MAPKAP1: variants seen among roughly 807,000 people sequenced by gnomAD.
MAPKAP1 encodes target of rapamycin complex 2 subunit MAPKAP1.
In MAPKAP1, 20 loss-of-function variants were observed where a neutral mutation model predicts 65.7. The observed-to-expected ratio is 0.30, with a 90% CI of 0.21 to 0.44. The LOEUF is 0.44. Among genes scored for constraint, MAPKAP1 ranks in the 20% least tolerant of loss-of-function variants. The pLI, the probability that MAPKAP1 is intolerant of heterozygous loss-of-function variation, is 1.00. For missense variants in MAPKAP1, 423 were observed against 648.0 expected (o/e 0.65, Z 3.77); for synonymous variants, 222 against 244.3 (o/e 0.91, Z 0.85).
At chr9:125,682,578 T>G (rs1834856393) in intron 1 of MAPKAP1, among the ~76,000 whole-genome samples, 1 of 152,244 alleles carries the variant, frequency 6.6e-6, no homozygotes, top group Non-Finnish European at 1.5e-5. Flanking sequence ...ATGTGGCCCC[T>G]AAATTATTTT....
intron 1 of MAPKAP1, among the ~76,000 whole-genome samples, chr9:125,676,782 A>C (rs1351617269): frequency 6.6e-6 from 1 of 152,230 alleles, no homozygotes; most frequent in Non-Finnish European, 1.5e-5. Flanking sequence ...TATCATTTAT[A>C]CCATGTATAT....
At chr9:125,473,929 T>A (rs73591539) in intron 9 of MAPKAP1, among the ~76,000 whole-genome samples, 2,125 of 152,238 alleles carry the variant, frequency 0.014, 47 homozygotes, top group African/African-American at 0.047. Flanking sequence ...ATAATACACA[T>A]AATAATAGAT....
intron 3 of MAPKAP1, among the ~76,000 whole-genome samples, chr9:125,660,770 C>A (rs991368711): frequency 5.3e-5 from 8 of 152,202 alleles, no homozygotes; most frequent in Non-Finnish European, 1.5e-5. Flanking sequence ...CCGCTAGCAA[C>A]GCTGTGTTAT....
chr9:125,625,439 A>C lies in MAPKAP1; in HGVS notation c.498+32212T>G, dbSNP rs187316622. ...AAAACAAAAAAACAAAACAAAACAA[A>C]CCAACCCTGCAGAGCAGCAGCTGGC... On this transcript the variant is annotated intron_variant, in intron 4 of 11. Coordinates refer to ENST00000265960, the MANE Select transcript of MAPKAP1 (RefSeq NM_001006617.3). Among the ~76,000 whole-genome samples, 501 of 152,140 alleles carry C rather than the reference A, an allele frequency of 3.3e-3. 5 individuals are homozygous for C. Among genetic ancestry groups the C allele is most frequent in the South Asian group, 0.023 (110 of 4,822 alleles).
chr9:125,551,538 T>C (rs1353992787), intron 6 of MAPKAP1, among the ~76,000 whole-genome samples: 2 of 152,228 alleles, frequency 1.3e-5, no homozygotes, highest in African/African-American at 4.8e-5. Context: ...TCCTTCCTCA[T>C]GTTCCTCTAA....
At chr9:125,543,576 G>A (rs1277638136) in intron 6 of MAPKAP1, among the ~76,000 whole-genome samples, 2 of 152,024 alleles carry the variant, frequency 1.3e-5, no homozygotes, top group African/African-American at 2.4e-5. Flanking sequence ...GCGCCCGGCC[G>A]TGTTTAAGCA....
intron 8 of MAPKAP1, among the ~76,000 whole-genome samples, chr9:125,487,633 A>AC (rs57748707): frequency 6.0e-5 from 9 of 150,836 alleles, no homozygotes; most frequent in Non-Finnish European, 1.2e-4. Context: ...AAAAAAAAAA[A>AC]CCCACACTTA....
At chr9:125,505,057 C>G (rs1301700397) in intron 8 of MAPKAP1, among the ~76,000 whole-genome samples, 1 of 152,170 alleles carries the variant, frequency 6.6e-6, no homozygotes, top group East Asian at 1.9e-4. Context: ...GTATGTAATT[C>G]TAAATACAGG....
At chr9:125,679,851 TG>T (rs1233608347) in intron 1 of MAPKAP1, among the ~76,000 whole-genome samples, 1 of 152,216 alleles carries the variant, frequency 6.6e-6, no homozygotes, top group African/African-American at 2.4e-5. Context: ...ATCTCTCACC[TG>T]CAATCTGTGA....
chr9:125,533,187 A>C (rs1319822262), intron 7 of MAPKAP1, among the ~76,000 whole-genome samples: 10 of 152,082 alleles, frequency 6.6e-5, no homozygotes, highest in Non-Finnish European at 4.4e-5. Flanking sequence ...GTATTCTGAA[A>C]TTAGGCTTTT....
At chr9:125,596,074 C>T (rs749120205) in intron 4 of MAPKAP1, 14 of 1,113,128 alleles carry the variant, frequency 1.3e-5, no homozygotes, top group East Asian at 2.3e-5. Context: ...ATTGAAATCA[C>T]GACTGACCGA....
chr9:125,547,752 T>C (rs1021891657), intron 6 of MAPKAP1, among the ~76,000 whole-genome samples: 1 of 152,140 alleles, frequency 6.6e-6, no homozygotes, highest in African/African-American at 2.4e-5. Flanking sequence ...TTCAGGGGCA[T>C]TATCAGTGAG....
chr9:125,588,426 T>G (rs900946903), intron 4 of MAPKAP1, among the ~76,000 whole-genome samples: 2 of 152,178 alleles, frequency 1.3e-5, no homozygotes, highest in Admixed American at 1.3e-4. Flanking sequence ...GGTATGAGGT[T>G]TCTTTTGGGG....
chr9:125,612,370 C>T (rs1272033036), intron 4 of MAPKAP1, among the ~76,000 whole-genome samples: 1 of 152,140 alleles, frequency 6.6e-6, no homozygotes, highest in Non-Finnish European at 1.5e-5. Flanking sequence ...TTTCAAATAA[C>T]TGGTAGTGTC....
At chr9:125,519,143 A>G (rs12555339) in intron 7 of MAPKAP1, among the ~76,000 whole-genome samples, 16,389 of 152,210 alleles carry the variant, frequency 0.11, 1,168 homozygotes, top group Middle Eastern at 0.2. Context: ...CTCCTCACAC[A>G]TCATGTAGGC....
intron 4 of MAPKAP1, among the ~76,000 whole-genome samples, chr9:125,613,543 G>A (rs1782683129): frequency 6.6e-6 from 1 of 152,136 alleles, no homozygotes; most frequent in South Asian, 2.1e-4. Flanking sequence ...GTGAGGCCTT[G>A]TTACGACTGC....
At chr9:125,639,309 G>C (rs1234863433) in intron 4 of MAPKAP1, among the ~76,000 whole-genome samples, 1 of 152,104 alleles carries the variant, frequency 6.6e-6, no homozygotes, top group Non-Finnish European at 1.5e-5. Flanking sequence ...TCAAATTGCA[G>C]ACTCCCCACT....
At chr9:125,498,995 T>G (rs1000667313) in intron 8 of MAPKAP1, among the ~76,000 whole-genome samples, 9 of 152,344 alleles carry the variant, frequency 5.9e-5, no homozygotes, top group Non-Finnish European at 1.0e-4. Context: ...ATTTATTGAG[T>G]ACTTATTATG....
chr9:125,587,422 T>C (rs1331709349), intron 4 of MAPKAP1, among the ~76,000 whole-genome samples: 4 of 152,012 alleles, frequency 2.6e-5, no homozygotes, highest in Admixed American at 2.6e-4. Flanking sequence ...AAAAATCAGC[T>C]GGGCGTGATG....
Sources: allele counts gnomAD v4.1 joint callset (sites outside exome capture counted in the v4.1 genomes callset), GRCh38; gene constraint gnomAD v4.1.1; transcripts MANE v1.5; gene names NCBI Gene and HGNC (gene_info 2026-07-23, HGNC 2026-07-21).